Variants in PID1 observed in about 807,000 individuals in gnomAD.
The protein encoded by PID1 is phosphotyrosine interaction domain containing 1.
PID1 carries 10 observed loss-of-function variants against 19.1 expected under a neutral mutation model. The observed-to-expected ratio is 0.52, with a 90% CI of 0.32 to 0.89. The LOEUF (loss-of-function observed/expected upper bound fraction) is 0.89, where lower values mean the gene tolerates loss of function less well. PID1 is among the 40% of genes least tolerant of loss of function. PID1 has a pLI of 0.03. For synonymous variants in PID1, 130 were observed against 116.0 expected, an observed-to-expected ratio of 1.12 and a Z score of -0.78; for missense variants, 248 against 285.3, an observed-to-expected ratio of 0.87 and a Z score of 0.94.
chr2:229,119,837 A>AAT (rs1695481947), intron 2 of PID1, among the ~76,000 whole-genome samples: 1 of 152,166 alleles, frequency 6.6e-6, no homozygotes, highest in Non-Finnish European at 1.5e-5. Context: ...GGCCTCACGT[A>AAT]ATCTGTTGAG....
At chr2:229,198,288 A>C (rs1691420680) in intron 1 of PID1, among the ~76,000 whole-genome samples, 1 of 151,990 alleles carries the variant, frequency 6.6e-6, no homozygotes, top group Admixed American at 6.6e-5. Context: ...ACATTCACCA[A>C]CTGTAAGGCA....
At chr2:229,205,786 T>C (rs1325953960) in intron 1 of PID1, among the ~76,000 whole-genome samples, 1 of 152,102 alleles carries the variant, frequency 6.6e-6, no homozygotes, top group African/African-American at 2.4e-5. Context: ...AAGCAAACTG[T>C]CCATTCAGCA....
At chr2:229,048,932 ATTGTATAT>A (rs968511604) in intron 2 of PID1, among the ~76,000 whole-genome samples, 37 of 152,216 alleles carry the variant, frequency 2.4e-4, no homozygotes, top group African/African-American at 8.9e-4. Flanking sequence ...TGCAAACTTG[ATTGTATAT>A]TTGCATTTTT....
chr2:229,154,708 A>C (rs1690329568), intron 2 of PID1, among the ~76,000 whole-genome samples: 1 of 152,356 alleles, frequency 6.6e-6, no homozygotes, highest in South Asian at 2.1e-4. Flanking sequence ...TCTCGAAAGC[A>C]ATAAGGAAAG....
intron 2 of PID1, among the ~76,000 whole-genome samples, chr2:229,050,758 T>C (rs1225496969): frequency 6.6e-6 from 1 of 152,158 alleles, no homozygotes; most frequent in Non-Finnish European, 1.5e-5. Flanking sequence ...GAAGTCACTG[T>C]AGGCCTTCTA....
chr2:229,131,211 CTTTTCTTT>C (rs1689732920), intron 2 of PID1, among the ~76,000 whole-genome samples: 1 of 151,636 alleles, frequency 6.6e-6, no homozygotes, highest in African/African-American at 2.4e-5. Context: ...CTTTTCTTTT[CTTTTCTTT>C]TCTCTTTTCT....
intron 2 of PID1, among the ~76,000 whole-genome samples, chr2:229,145,644 T>C (rs1032845581): frequency 6.6e-6 from 1 of 152,120 alleles, no homozygotes; most frequent in African/African-American, 2.4e-5. Context: ...TCCCACATCG[T>C]TTTCAAACTT....
chr2:229,139,007 GAAA>G (rs1574658964), intron 2 of PID1, among the ~76,000 whole-genome samples: 1 of 86,746 alleles, frequency 1.2e-5, no homozygotes, highest in East Asian at 3.1e-4. Flanking sequence ...AAGAAAGAAA[GAAA>G]GAAAGAAAGA....
At chr2:229,233,846 T>C (rs978568055) in intron 1 of PID1, among the ~76,000 whole-genome samples, 1 of 152,222 alleles carries the variant, frequency 6.6e-6, no homozygotes, top group Non-Finnish European at 1.5e-5. Context: ...ACTACCAGCA[T>C]GTGTCTCAGT....
chr2:229,097,867 T>A (rs1695001211), intron 2 of PID1, among the ~76,000 whole-genome samples: 1 of 152,176 alleles, frequency 6.6e-6, no homozygotes, highest in African/African-American at 2.4e-5. Flanking sequence ...TCTCAGAAGA[T>A]TTTCTTTCAA....
chr2:229,106,541 G>A (rs1454070304), intron 2 of PID1, among the ~76,000 whole-genome samples: 1 of 152,172 alleles, frequency 6.6e-6, no homozygotes, highest in East Asian at 1.9e-4. Flanking sequence ...ATGAGAGTGG[G>A]ACCCTTATAA....
intron 2 of PID1, among the ~76,000 whole-genome samples, chr2:229,111,102 C>T (rs1170061689): frequency 3.3e-5 from 5 of 152,306 alleles, no homozygotes; most frequent in Middle Eastern, 3.4e-3. Flanking sequence ...CCATGGAAGA[C>T]TTGCCTTTTG....
At position 229,229,399 on chromosome 2, in the gene PID1, T is replaced by A. The variant is rs544018766; in HGVS notation, c.30+41615A>T. Among the ~76,000 whole-genome samples the A allele has an allele frequency of 9.9e-4, 151 of 152,180 alleles. 3 individuals are homozygous for A. The Middle Eastern group carries it at 0.01, about 10-fold the overall frequency. The stretch of plus-strand genomic sequence containing the variant: ...ATGTTCTTGCATTGCCCCCCAAAAA[T>A]AAAATGTTTAAAAGCAATGTTCTAG... On this transcript the variant is annotated intron_variant, in intron 1 of 2. Transcript: ENST00000392055.
intron 1 of PID1, among the ~76,000 whole-genome samples, chr2:229,269,393 C>A (rs1357002937): frequency 1.3e-5 from 2 of 152,218 alleles, no homozygotes; most frequent in Non-Finnish European, 2.9e-5. Context: ...GTCACATGCT[C>A]CAGAGCGCAC....
chr2:229,179,065 T>G (rs1453622405), intron 1 of PID1, among the ~76,000 whole-genome samples: 1 of 152,152 alleles, frequency 6.6e-6, no homozygotes, highest in East Asian at 1.9e-4. Flanking sequence ...TTTGCAAATG[T>G]TTAAAAAGAG....
intron 1 of PID1, among the ~76,000 whole-genome samples, chr2:229,213,728 A>T (rs1031420199): frequency 2.0e-5 from 3 of 152,216 alleles, no homozygotes; most frequent in African/African-American, 7.2e-5. Context: ...AGCACAATAG[A>T]TATGTGACAT....
At chr2:229,166,486 C>T (rs1289524628) in intron 1 of PID1, among the ~76,000 whole-genome samples, 1 of 152,074 alleles carries the variant, frequency 6.6e-6, no homozygotes. Context: ...AGTAATATGG[C>T]CCTTTAATTC....
intron 1 of PID1, among the ~76,000 whole-genome samples, chr2:229,238,208 G>A (rs1261208460): frequency 6.6e-6 from 1 of 152,144 alleles, no homozygotes; most frequent in Non-Finnish European, 1.5e-5. Context: ...TGGAAAGCCT[G>A]CCTCTAATCA....
chr2:229,169,845 T>G (rs149086954), intron 1 of PID1, among the ~76,000 whole-genome samples: 4 of 152,326 alleles, frequency 2.6e-5, no homozygotes, highest in Admixed American at 2.0e-4. Flanking sequence ...GAAGCAATGT[T>G]CCAGATGACT....
Sources: allele counts gnomAD v4.1 joint callset (sites outside exome capture counted in the v4.1 genomes callset), GRCh38; gene constraint gnomAD v4.1.1; transcripts MANE v1.5; gene names NCBI Gene and HGNC (gene_info 2026-07-23, HGNC 2026-07-21).